AOC1: variants seen among roughly 807,000 people sequenced by gnomAD.
AOC1 encodes the protein diamine oxidase [copper-containing].
AOC1 carries 58 observed loss-of-function variants against 57.1 expected under a neutral mutation model. That is an observed-to-expected ratio of 1.02 (90% confidence interval 0.82 to 1.26). The LOEUF is 1.26. Among genes scored for constraint, AOC1 ranks in the 50% most tolerant of loss-of-function variants. The pLI, the probability that AOC1 is intolerant of heterozygous loss-of-function variation, is 0.00. For synonymous variants in AOC1, 401 were observed against 423.4 expected (o/e 0.95, Z 0.65); for missense variants, 917 against 1,005.3 (o/e 0.91, Z 1.19).
chr7:150,857,237 G>T lies in AOC1; in HGVS notation c.767G>T (p.Gly256Val), dbSNP rs940305513. The T allele has an allele frequency of 6.2e-7, 1 of 1,612,282 alleles. No individual in the cohort carries two copies. The highest frequency in any genetic ancestry group is 8.5e-7 in the Non-Finnish European group (1 of 1,178,996). The change falls in exon 2 of 5, where the codon GGA becomes GTA. Residue 256 changes from glycine (G) to valine (V), a missense_variant. Transcript: ENST00000360937. This position sits in a 1 kb window ranked among gnomAD's most constrained non-coding sequence, Gnocchi z 6.6. ...GAACTGGCTCGGAAGTATGCAGATG[G>T]AGAGGTGGACGTGGTGGTCCTGGAG... Reference protein sequence around the residue: ...PEELARKYADGEVDVVVLEDP... With the variant: ...PEELARKYADVEVDVVVLEDP...
Position 150,861,451 on chromosome 7 carries a change from CAT to C in AOC1, c.*243_*244del, listed in dbSNP as rs534084149. 5.6e-5 allele frequency: 26 copies of C among 461,160 alleles called. No homozygotes were observed. The highest frequency in any genetic ancestry group is 2.7e-4 in the African/African-American group (14 of 52,152). The allele number at this position is 461,160 out of a possible 1,614,324, so 28.6% of individuals were successfully genotyped here. A position where few individuals can be genotyped will look rare whatever the true frequency, so the allele number is the denominator to read the frequency against. On this transcript the variant is annotated 3_prime_UTR_variant, in exon 5 of 5. Transcript: ENST00000360937. The surrounding 1 kb of genome is among the most constrained non-coding windows in gnomAD (Gnocchi z 4.5). ...ACGCACTCACACGGACATGCACACA[CAT>C]GGCATGTACTTTATTCACACTGGTC...
At position 150,856,776 on chromosome 7, in the gene AOC1, C is replaced by T. The variant is rs1799790208; in HGVS notation, c.306C>T (p.Phe102=). ...TGCGGGAAGCCCGTGCCGTCATCTT[C>T]TTTGGTGACCAGGAGCATCCCAATG... ...HPVREARAVI[F]FGDQEHPNVT... Residue 102 remains phenylalanine (F), a synonymous_variant, in exon 2 of 5, where the codon TTC becomes TTT. Transcript: ENST00000360937. This position sits in a 1 kb window ranked among gnomAD's most constrained non-coding sequence, Gnocchi z 5.2. 6.2e-7 allele frequency: 1 copy of T among 1,614,010 alleles called. No individual in the cohort carries two copies. The highest frequency in any genetic ancestry group is 8.5e-7 in the Non-Finnish European group (1 of 1,179,990).
At position 150,857,273 on chromosome 7, in the gene AOC1, C is replaced by G; in HGVS notation, c.803C>G (p.Pro268Arg). The change falls in exon 2 of 5, where the codon CCT (proline) becomes CGT (arginine). Residue 268 changes from proline (P) to arginine (R), a missense_variant. By Grantham distance (103) the Pro-to-Arg change is moderately radical (BLOSUM62 -2). Coordinates refer to ENST00000360937, the MANE Select transcript of AOC1 (RefSeq NM_001091.4). This position sits in a 1 kb window ranked among gnomAD's most constrained non-coding sequence, Gnocchi z 6.6. Reference sequence around the variant, plus strand: ...GTGGTGGTCCTGGAGGACCCGCTGCCTGGGGGCAAGGGGCATGACAGCACA... The same window carrying G: ...GTGGTGGTCCTGGAGGACCCGCTGCGTGGGGGCAAGGGGCATGACAGCACA... ...VDVVVLEDPLPGGKGHDSTEE... is the reference protein window; with the variant it reads ...VDVVVLEDPLRGGKGHDSTEE... 6.2e-7 allele frequency: 1 copy of G among 1,609,020 alleles called. No homozygotes were observed. The highest frequency in any genetic ancestry group is 8.5e-7 in the Non-Finnish European group (1 of 1,177,412).
chr7:150,860,763 G>A (rs1799945724), intron 4 of AOC1, 130 bp downstream of exon 4: 2 of 1,367,988 alleles, frequency 1.5e-6, no homozygotes, highest in East Asian at 2.3e-5. Flanking sequence ...CGCAGGAGCT[G>A]TGCCTTGCTG....
At chr7:150,855,139 A>T (rs768598432) in intron 1 of AOC1, among the ~76,000 whole-genome samples, 1 of 152,238 alleles carries the variant, frequency 6.6e-6, no homozygotes, top group Non-Finnish European at 1.5e-5. Flanking sequence ...TGAAAAGCAC[A>T]GCTGAGACAG....
intron 1 of AOC1, chr7:150,854,090 C>T (rs993814887): frequency 6.6e-5 from 10 of 152,170 alleles, no homozygotes; most frequent in Admixed American, 2.6e-4. Flanking sequence ...TAGGAGAACA[C>T]AAGAACTCAC....
chr7:150,856,776 C>CT lies in AOC1; in HGVS notation c.309dup (p.Gly104TrpfsTer2). 2 of 1,614,128 alleles carry CT rather than the reference C, an allele frequency of 1.2e-6. No homozygotes were observed. Among genetic ancestry groups the CT allele is most frequent in the Non-Finnish European group, 1.7e-6 (2 of 1,179,982 alleles). On this transcript the variant is annotated frameshift_variant, in exon 2 of 5. Coordinates refer to ENST00000360937, the MANE Select transcript of AOC1 (RefSeq NM_001091.4). LOFTEE classifies it high-confidence loss of function. This position sits in a 1 kb window ranked among gnomAD's most constrained non-coding sequence, Gnocchi z 5.2. ...TGCGGGAAGCCCGTGCCGTCATCTT[C>CT]TTTGGTGACCAGGAGCATCCCAATG...
At chr7:150,855,188 G>C (rs1451003495) in intron 1 of AOC1, among the ~76,000 whole-genome samples, 1 of 152,202 alleles carries the variant, frequency 6.6e-6, no homozygotes, top group East Asian at 1.9e-4. Flanking sequence ...TCAACCCAGA[G>C]CCTTGAGGAA....
Position 150,861,026 on chromosome 7 carries a change from C to A in AOC1, c.2073C>A (p.Ser691=), listed in dbSNP as rs372013575. The A allele has an allele frequency of 2.5e-5, 41 of 1,613,940 alleles. No individual in the cohort carries two copies. The highest frequency in any genetic ancestry group is 3.0e-5 in the Non-Finnish European group (35 of 1,179,972). ...CCAACACAGCCACACCTGGGAACTC[C>A]GTGGGCTTCCTGCTCCGGCCATTCA... ...DIPNTATPGN[S]VGFLLRPFNF... is the part of the protein sequence containing the mutation. Residue 691 remains serine (S), a synonymous_variant, in exon 5 of 5, where the codon TCC becomes TCA. Transcript: ENST00000360937. The surrounding 1 kb of genome is among the most constrained non-coding windows in gnomAD (Gnocchi z 4.5).
At chr7:150,859,362 G>A (rs13235597) in intron 3 of AOC1, among the ~76,000 whole-genome samples, 13 of 152,240 alleles carry the variant, frequency 8.5e-5, no homozygotes, top group African/African-American at 3.1e-4. Flanking sequence ...CTGTGTGTCA[G>A]ATACTGTGTT....
At chr7:150,855,913 C>T (rs1405053259) in intron 1 of AOC1, among the ~76,000 whole-genome samples, 2 of 151,442 alleles carry the variant, frequency 1.3e-5, no homozygotes, top group African/African-American at 2.4e-5. Flanking sequence ...GTTTAAGCAG[C>T]GTGCCCAAGG....
In AOC1 at chr7:150,861,129, G is replaced by A. The variant is rs749075510; in HGVS notation, c.2176G>A (p.Val726Ile). The A allele has an allele frequency of 1.7e-5, 28 of 1,613,904 alleles. No homozygotes were observed. In the African/African-American group the frequency reaches 1.7e-4, roughly 10 times the overall value. Residue 726 changes from valine (V) to isoleucine (I), a missense_variant, in exon 5 of 5, where the codon GTC (valine) becomes ATC (isoleucine). Val to Ile is a conservative substitution (Grantham distance 29). Coordinates refer to ENST00000360937, the MANE Select transcript of AOC1 (RefSeq NM_001091.4). The surrounding 1 kb of genome is among the most constrained non-coding windows in gnomAD (Gnocchi z 4.5). ...GCCTCGGGACAACGGCCCCAACTAC[G>A]TCCAGCGCTGGATCCCTGAGGACAG... The part of the protein sequence containing the change: ...VWPRDNGPNY[V>I]QRWIPEDRDC...
rs1298441193 is a variant in AOC1 at position 150,857,562 on chromosome 7, T to C, written c.1092T>C (p.Pro364=). The part of the protein sequence containing the change: ...EAVALYGGHT[P]AGMQTKYLDV... ...TGGCGCTGTATGGAGGACACACACCTGCAGGCATGCAGACCAAGTACCTCG... is the reference window on the plus strand; with the variant it reads ...TGGCGCTGTATGGAGGACACACACCCGCAGGCATGCAGACCAAGTACCTCG... Residue 364 remains proline, a synonymous_variant, in exon 2 of 5, where the codon CCT becomes CCC. Transcript: ENST00000360937. The surrounding 1 kb of genome is among the most constrained non-coding windows in gnomAD (Gnocchi z 6.6). The C allele has an allele frequency of 6.2e-7, 1 of 1,614,028 alleles. No individual in the cohort carries two copies. The highest frequency in any genetic ancestry group is 8.5e-7 in the Non-Finnish European group (1 of 1,180,004).
chr7:150,857,096 G>A lies in AOC1; in HGVS notation c.626G>A (p.Gly209Asp), dbSNP rs752440416. The change falls in exon 2 of 5, where the codon GGC becomes GAC. Residue 209 changes from glycine (G) to aspartate (D), a missense_variant. Transcript: ENST00000360937. The surrounding 1 kb of genome is among the most constrained non-coding windows in gnomAD (Gnocchi z 6.6). Reference sequence around the variant, plus strand: ...CTTATCATACAGCGCTATGTAGAAGGCTACTTTCTGCACCCCACTGGGCTG... The same window carrying A: ...CTTATCATACAGCGCTATGTAGAAGACTACTTTCTGCACCCCACTGGGCTG... ...SWLIIQRYVE[G>D]YFLHPTGLEL... The A allele has an allele frequency of 3.7e-6, 6 of 1,614,032 alleles. No homozygotes were observed.
intron 1 of AOC1, among the ~76,000 whole-genome samples, chr7:150,853,684 TATATATATATA>T (rs1563087086): frequency 0.016 from 1,525 of 92,522 alleles, 21 homozygotes; most frequent in African/African-American, 0.028. Flanking sequence ...TATATATATA[TATATATATATA>T]TATTTATTTA....
At chr7:150,860,458 A>C (rs1253680753) in intron 3 of AOC1, 43 bp from the exon 4 acceptor site, 1 of 1,612,690 alleles carries the variant, frequency 6.2e-7, no homozygotes, top group South Asian at 1.1e-5. Flanking sequence ...GAGGGGGGCC[A>C]GCCCAGGGCC....
chr7:150,861,418 A>ACC lies in AOC1; in HGVS notation c.*209_*210insCC. On this transcript the variant is annotated 3_prime_UTR_variant, in exon 5 of 5. Coordinates refer to ENST00000360937, the MANE Select transcript of AOC1 (RefSeq NM_001091.4). The surrounding 1 kb of genome is among the most constrained non-coding windows in gnomAD (Gnocchi z 4.5). ...CACACACACAGACGTGCACACACAC[A>ACC]GACGTGCACGCACTCACACGGACAT... The ACC allele has an allele frequency of 1.8e-6, 1 of 545,224 alleles. No individual in the cohort carries two copies. The highest frequency in any genetic ancestry group is 3.1e-6 in the Non-Finnish European group (1 of 318,530). The allele number at this position is 545,224 out of a possible 1,614,324, so 33.8% of individuals were successfully genotyped here. A position where few individuals can be genotyped will look rare whatever the true frequency, so the allele number is the denominator to read the frequency against.
Position 150,861,184 on chromosome 7 carries a change from A to ACAATGGGTT in AOC1, c.2238_2239insTTCAATGGG (p.Gly746_Thr747insPheAsnGly). 6.2e-7 allele frequency: 1 copy of ACAATGGGTT among 1,604,678 alleles called. No homozygotes were observed. The highest frequency in any genetic ancestry group is 8.5e-7 in the Non-Finnish European group (1 of 1,173,294). On this transcript the variant is annotated inframe_insertion, in exon 5 of 5. Transcript: ENST00000360937. This position sits in a 1 kb window ranked among gnomAD's most constrained non-coding sequence, Gnocchi z 4.5. ...TGCTCGATGCCTCCCCCTTTTAGCT[A>ACAATGGGTT]CAATGGGACCTATAGACCTGTGTGA...
chr7:150,859,024 A>G lies in AOC1; in HGVS notation c.1832A>G (p.Glu611Gly), dbSNP rs1584803550. ...CAGGTGCTGCCCCCAGGCTGGCAGG[A>G]GGAGCAGGCCATCACCTGGGCAAGG... Reference protein sequence around the residue: ...ADQVLPPGWQEEQAITWARYP... With the variant: ...ADQVLPPGWQGEQAITWARYP... Residue 611 changes from glutamate to glycine, a missense_variant, in exon 3 of 5, where the codon GAG becomes GGG. Physicochemically the swap from Glu to Gly is moderately conservative, Grantham distance 98 (BLOSUM62 -2). Transcript: ENST00000360937. 6.3e-7 allele frequency: 1 copy of G among 1,584,588 alleles called. No homozygotes were observed. The highest frequency in any genetic ancestry group is 8.6e-7 in the Non-Finnish European group (1 of 1,159,916).
Sources: gnomAD v4.1 joint callset for allele counts (sites outside exome capture counted in the v4.1 genomes callset) on GRCh38, gnomAD v4.1.1 for gene constraint, Gnocchi (gnomAD v3.1) non-coding constraint, MANE v1.5 for transcripts, NCBI Gene and HGNC (gene_info 2026-07-23, HGNC 2026-07-21) for gene names.